The following TMEM132D variants were observed in gnomAD, a reference collection of about 807,000 sequenced individuals.
TMEM132D encodes transmembrane protein 132D.
TMEM132D carries 21 observed loss-of-function variants against 62.3 expected under a neutral mutation model. The ratio of observed to expected loss-of-function variants is 0.34; its 90% CI spans 0.24 to 0.49. TMEM132D has a LOEUF of 0.49. Ranked by LOEUF, TMEM132D falls within the 20% of genes least tolerant of loss-of-function variation. The pLI is 0.99. For missense variants in TMEM132D, 1,346 were observed against 1,402.8 expected, an observed-to-expected ratio of 0.96 and a Z score of 0.65; for synonymous variants, 621 against 575.6, an observed-to-expected ratio of 1.08 and a Z score of -1.13.
At chr12:129,594,911 C>A in intron 2 of TMEM132D, among the ~76,000 whole-genome samples, 1 of 152,158 alleles carries the variant, frequency 6.6e-6, no homozygotes, top group East Asian at 1.9e-4. Flanking sequence ...CAGGAATGAA[C>A]ACAATGCAAA....
chr12:129,322,527 C>G (rs747276912), intron 4 of TMEM132D, among the ~76,000 whole-genome samples: 2 of 152,028 alleles, frequency 1.3e-5, no homozygotes, highest in Admixed American at 6.6e-5. Context: ...TTTTGTAGAG[C>G]TGAATCGTTT....
intron 1 of TMEM132D, among the ~76,000 whole-genome samples, chr12:129,732,605 C>G (rs77535757): frequency 8.9e-4 from 135 of 152,314 alleles, no homozygotes; most frequent in African/African-American, 3.2e-3. Context: ...TGCCTGCTCC[C>G]TCCCACTTCC....
chr12:129,771,293 A>T (rs985700329), intron 1 of TMEM132D, among the ~76,000 whole-genome samples: 60 of 152,160 alleles, frequency 3.9e-4, no homozygotes, highest in African/African-American at 1.4e-3. Flanking sequence ...GTTTGAGGGG[A>T]TTAACCACTC....
At chr12:129,268,022 C>T (rs1412150517) in intron 4 of TMEM132D, among the ~76,000 whole-genome samples, 2 of 152,120 alleles carry the variant, frequency 1.3e-5, no homozygotes, top group East Asian at 1.9e-4. Context: ...ACACCTTATA[C>T]AAAAATCAAT....
At chr12:129,841,902 A>G (rs1256710649) in intron 1 of TMEM132D, among the ~76,000 whole-genome samples, 1 of 150,822 alleles carries the variant, frequency 6.6e-6, no homozygotes, top group South Asian at 2.1e-4. Flanking sequence ...CCTAAGAGCC[A>G]GCCCTTGCTC....
At chr12:129,656,669 G>A (rs952488192) in intron 2 of TMEM132D, among the ~76,000 whole-genome samples, 1 of 152,204 alleles carries the variant, frequency 6.6e-6, no homozygotes, top group Admixed American at 6.5e-5. Flanking sequence ...GATCACCACT[G>A]CCATGTGGAA....
At chr12:129,825,652 C>T (rs1397040606) in intron 1 of TMEM132D, among the ~76,000 whole-genome samples, 1 of 152,168 alleles carries the variant, frequency 6.6e-6, no homozygotes, top group Non-Finnish European at 1.5e-5. Flanking sequence ...GGAGTCATCA[C>T]TTTCAGACAA....
At chr12:129,452,492 C>A (rs1053084191) in intron 3 of TMEM132D, among the ~76,000 whole-genome samples, 1 of 152,184 alleles carries the variant, frequency 6.6e-6, no homozygotes, top group African/African-American at 2.4e-5. Context: ...TGTCACACCT[C>A]ATCAGTGATA....
chr12:129,657,580 G>A (rs1880123401), intron 2 of TMEM132D, among the ~76,000 whole-genome samples: 1 of 152,184 alleles, frequency 6.6e-6, no homozygotes. Flanking sequence ...GTTTGAGAGG[G>A]CAGCCTCCCC....
chr12:129,119,611 G>A (rs891880917), intron 5 of TMEM132D, among the ~76,000 whole-genome samples: 3 of 152,166 alleles, frequency 2.0e-5, no homozygotes, highest in Admixed American at 2.0e-4. Flanking sequence ...AAGGTAATTT[G>A]CATCAATAAT....
chr12:129,861,617 C>T (rs1156296878), intron 1 of TMEM132D, among the ~76,000 whole-genome samples: 3 of 151,994 alleles, frequency 2.0e-5, no homozygotes, highest in African/African-American at 4.8e-5. Flanking sequence ...AAAAATTAGC[C>T]GGTCATGGTG....
At chr12:129,526,184 T>C (rs1162659742) in intron 3 of TMEM132D, among the ~76,000 whole-genome samples, 1 of 152,232 alleles carries the variant, frequency 6.6e-6, no homozygotes, top group Non-Finnish European at 1.5e-5. Context: ...TGAGGTACTA[T>C]GCTTTTTTCA....
intron 3 of TMEM132D, among the ~76,000 whole-genome samples, chr12:129,366,990 G>A (rs765564109): frequency 7.2e-5 from 11 of 152,212 alleles, no homozygotes; most frequent in Non-Finnish European, 1.5e-4. Context: ...GCAGCGAGAA[G>A]ACAAGGATCT....
chr12:129,885,289 T>C (rs1874715779), intron 1 of TMEM132D, among the ~76,000 whole-genome samples: 3 of 152,358 alleles, frequency 2.0e-5, no homozygotes, highest in Middle Eastern at 3.4e-3. Flanking sequence ...TCAATTAGCC[T>C]GACTTTCTCC....
chr12:129,246,841 A>G (rs1412697398), intron 4 of TMEM132D, among the ~76,000 whole-genome samples: 3 of 152,162 alleles, frequency 2.0e-5, no homozygotes, highest in Non-Finnish European at 4.4e-5. Flanking sequence ...AGACAGACAT[A>G]TCTTCTGTGG....
intron 2 of TMEM132D, among the ~76,000 whole-genome samples, chr12:129,587,232 C>T (rs1419306655): frequency 6.6e-6 from 1 of 152,102 alleles, no homozygotes; most frequent in Non-Finnish European, 1.5e-5. Flanking sequence ...AGATCATGTC[C>T]TTTACAGGGA....
chr12:129,511,329 T>C (rs1875491211), intron 3 of TMEM132D, among the ~76,000 whole-genome samples: 1 of 152,230 alleles, frequency 6.6e-6, no homozygotes, highest in Non-Finnish European at 1.5e-5. Flanking sequence ...GCCCCAATTT[T>C]TTTTGCAATG....
At chr12:129,766,000 G>A (rs756542523) in intron 1 of TMEM132D, among the ~76,000 whole-genome samples, 18 of 152,116 alleles carry the variant, frequency 1.2e-4, no homozygotes, top group South Asian at 2.1e-4. Flanking sequence ...GATGGGTGGC[G>A]CCCTTGGACT....
intron 2 of TMEM132D, among the ~76,000 whole-genome samples, chr12:129,641,888 T>A (rs1879648889): frequency 6.6e-6 from 1 of 152,202 alleles, no homozygotes; most frequent in Non-Finnish European, 1.5e-5. Flanking sequence ...TTTCAGATTT[T>A]AACAGTGCAA....
Sources: gnomAD v4.1 joint callset for allele counts (sites outside exome capture counted in the v4.1 genomes callset) on GRCh38, gnomAD v4.1.1 for gene constraint, MANE v1.5 for transcripts, NCBI Gene and HGNC (gene_info 2026-07-23, HGNC 2026-07-21) for gene names.